Variants in NDUFAF2 observed in about 807,000 individuals in gnomAD.
The protein encoded by NDUFAF2 is NADH:ubiquinone oxidoreductase complex assembly factor 2.
Under a neutral mutation model 22.8 loss-of-function variants are expected in NDUFAF2, and 13 were observed. The ratio of observed to expected loss-of-function variants is 0.57; its 90% CI spans 0.37 to 0.91. The LOEUF (loss-of-function observed/expected upper bound fraction) is 0.91. Among genes scored for constraint, NDUFAF2 ranks in the 40% least tolerant of loss-of-function variants. NDUFAF2 has a pLI of 0.01. For missense variants in NDUFAF2, 162 were observed against 195.2 expected (o/e 0.83, Z 1.01); for synonymous variants, 53 against 64.2 (o/e 0.83, Z 0.84).
intron 1 of NDUFAF2, among the ~76,000 whole-genome samples, chr5:61,048,145 A>G (rs751050690): frequency 8.5e-5 from 13 of 152,086 alleles, no homozygotes; most frequent in Non-Finnish European, 1.5e-4. Flanking sequence ...TTTAAGTTCT[A>G]ATGTGTACTG....
chr5:60,951,921 CT>C (rs1163395346), intron 1 of NDUFAF2, among the ~76,000 whole-genome samples: 1 of 151,466 alleles, frequency 6.6e-6, no homozygotes, highest in African/African-American at 2.4e-5. Flanking sequence ...ACTACTCAGG[CT>C]ATCTATTTTG....
At chr5:61,023,042 G>A (rs1292701661) in intron 1 of NDUFAF2, among the ~76,000 whole-genome samples, 3 of 152,196 alleles carry the variant, frequency 2.0e-5, no homozygotes, top group East Asian at 1.9e-4. Context: ...CTAGACCCGG[G>A]AAGGGATTCA....
intron 1 of NDUFAF2, among the ~76,000 whole-genome samples, chr5:61,028,087 A>T (rs751774176): frequency 6.6e-6 from 1 of 152,090 alleles, no homozygotes; most frequent in Non-Finnish European, 1.5e-5. Context: ...TTACAGTGCC[A>T]GGTAAAAGGC....
intron 1 of NDUFAF2, among the ~76,000 whole-genome samples, chr5:60,993,152 G>A (rs187322908): frequency 3.2e-4 from 49 of 152,362 alleles, no homozygotes; most frequent in Middle Eastern, 3.4e-3. Context: ...GCTGCAGCAG[G>A]GCGGGCAGCT....
chr5:61,126,845 C>T (rs564935080), intron 3 of NDUFAF2, among the ~76,000 whole-genome samples: 2 of 151,990 alleles, frequency 1.3e-5, no homozygotes, highest in East Asian at 3.9e-4. Context: ...TCAATGAATC[C>T]AGGAGCTGGT....
chr5:61,148,227 C>G (rs60328915), intron 3 of NDUFAF2, among the ~76,000 whole-genome samples: 2,638 of 152,218 alleles, frequency 0.017, 81 homozygotes, highest in African/African-American at 0.06. Flanking sequence ...TAATGTGTCT[C>G]CAGCCAGAAA....
intron 3 of NDUFAF2, among the ~76,000 whole-genome samples, chr5:61,111,996 A>G (rs930432695): frequency 7.2e-5 from 11 of 152,010 alleles, no homozygotes; most frequent in African/African-American, 2.7e-4. Context: ...TGAGTTCAAG[A>G]TGTGCCCACC....
rs79191810 is a variant in NDUFAF2, at chr5:61,102,147, A to G, written c.258+3115A>G. ...ATGAATATCCAGTTAAAACCATGTC[A>G]GACTTTTTTGATAGAAATCAACATG... On this transcript the variant is annotated intron_variant, in intron 3 of 3. Coordinates refer to ENST00000296597, the MANE Select transcript of NDUFAF2 (RefSeq NM_174889.5). 8.7e-3 allele frequency among the ~76,000 whole-genome samples: 1,329 copies of G among 152,292 alleles called. 21 individuals carry two copies. The highest frequency in any genetic ancestry group is 0.031 in the African/African-American group (1,272 of 41,578).
At chr5:60,988,022 C>T (rs1426810169) in intron 1 of NDUFAF2, among the ~76,000 whole-genome samples, 2 of 152,134 alleles carry the variant, frequency 1.3e-5, no homozygotes, top group East Asian at 1.9e-4. Context: ...ATTTAGAAAA[C>T]CCCATACTCC....
chr5:61,138,993 T>G (rs1434396892), intron 3 of NDUFAF2, among the ~76,000 whole-genome samples: 4 of 152,202 alleles, frequency 2.6e-5, no homozygotes, highest in Admixed American at 6.5e-5. Context: ...AATTTGAGCT[T>G]CTTCAGCATA....
At chr5:60,958,958 C>T (rs899447796) in intron 1 of NDUFAF2, among the ~76,000 whole-genome samples, 3 of 151,866 alleles carry the variant, frequency 2.0e-5, no homozygotes, top group Non-Finnish European at 2.9e-5. Flanking sequence ...GTTAAGATAC[C>T]CAGTCATAAG....
At chr5:61,028,808 C>T (rs143276430) in intron 1 of NDUFAF2, among the ~76,000 whole-genome samples, 153 of 152,228 alleles carry the variant, frequency 1.0e-3, no homozygotes, top group African/African-American at 3.6e-3. Context: ...TTCACATTCT[C>T]ACCAACAATG....
Position 61,085,415 on chromosome 5 carries a change from G to C in NDUFAF2, c.217+12201G>C, listed in dbSNP as rs554415602. Among the ~76,000 whole-genome samples the C allele has an allele frequency of 1.1e-4, 16 of 152,174 alleles. No individual in the cohort carries two copies. In the South Asian group the frequency reaches 2.5e-3, roughly 24 times the overall value. On this transcript the variant is annotated intron_variant, in intron 2 of 3. Coordinates refer to ENST00000296597, the MANE Select transcript of NDUFAF2 (RefSeq NM_174889.5). ...CCTCAACCTGATAAAGGGCATTAAG[G>C]GGGGAAAAAAACCTACAGTTAACCT...
At chr5:60,951,154 C>T (rs1189524929) in intron 1 of NDUFAF2, among the ~76,000 whole-genome samples, 2 of 152,016 alleles carry the variant, frequency 1.3e-5, no homozygotes, top group Non-Finnish European at 2.9e-5. Flanking sequence ...CTCAGCCTCT[C>T]GAGTAGCTGG....
chr5:61,104,558 G>A (rs1429220476), intron 3 of NDUFAF2, among the ~76,000 whole-genome samples: 2 of 152,060 alleles, frequency 1.3e-5, no homozygotes, highest in Non-Finnish European at 2.9e-5. Context: ...TCTAAAAAAA[G>A]GTTGGGATGG....
intron 1 of NDUFAF2, among the ~76,000 whole-genome samples, chr5:61,028,242 T>C (rs1278667966): frequency 6.6e-6 from 1 of 152,012 alleles, no homozygotes. Flanking sequence ...TTTTTCTTTA[T>C]AGCATGAACA....
intron 1 of NDUFAF2, 49 bp downstream of exon 1, chr5:60,945,431 C>T: frequency 6.2e-7 from 1 of 1,613,828 alleles, no homozygotes. Flanking sequence ...ATTGCGAGGT[C>T]AGTAAAGGAG....
intron 1 of NDUFAF2, among the ~76,000 whole-genome samples, chr5:60,964,513 C>T (rs1459944615): frequency 6.6e-6 from 1 of 150,522 alleles, no homozygotes; most frequent in Admixed American, 6.6e-5. Flanking sequence ...TACAGTGGTG[C>T]TATCTTGGCT....
intron 1 of NDUFAF2, among the ~76,000 whole-genome samples, chr5:61,001,926 G>A (rs549596919): frequency 3.0e-4 from 45 of 152,174 alleles, no homozygotes; most frequent in Non-Finnish European, 4.0e-4. Context: ...AACTAGTATC[G>A]TCATATTTCC....
Sources: gnomAD v4.1 joint callset for allele counts (sites outside exome capture counted in the v4.1 genomes callset) on GRCh38, gnomAD v4.1.1 for gene constraint, MANE v1.5 for transcripts, NCBI Gene and HGNC (gene_info 2026-07-23, HGNC 2026-07-21) for gene names.